Variants in CTNNA3 observed in about 807,000 individuals in gnomAD.
CTNNA3 encodes the protein catenin alpha 3, also known as catenin alpha-3.
CTNNA3 carries 76 observed loss-of-function variants against 95.7 expected under a neutral mutation model. The observed-to-expected ratio is 0.79, with a 90% CI of 0.66 to 0.96. The LOEUF is 0.96. Ranked by LOEUF, CTNNA3 falls within the 40% of genes least tolerant of loss-of-function variation. The pLI is 0.00. For synonymous variants in CTNNA3, 431 were observed against 374.4 expected (o/e 1.15, Z -1.74); for missense variants, 1,191 against 1,089.8 (o/e 1.09, Z -1.31).
chr10:66,636,014 G>A (rs1180160658), intron 9 of CTNNA3, among the ~76,000 whole-genome samples: 5 of 151,170 alleles, frequency 3.3e-5, no homozygotes. Context: ...GTGTGTGTGT[G>A]TGTGTGTGTG....
intron 7 of CTNNA3, among the ~76,000 whole-genome samples, chr10:67,106,118 C>T (rs1858620105): frequency 6.6e-6 from 1 of 152,098 alleles, no homozygotes. Context: ...GCGGCTTTTC[C>T]CTTGCCTTTG....
At position 65,939,819 on chromosome 10, in the gene CTNNA3, TA is replaced by T. The variant is rs2077401413; in HGVS notation, c.2401-19203del. On this transcript the variant is annotated intron_variant, in intron 17 of 17. Coordinates refer to ENST00000433211, the MANE Select transcript of CTNNA3 (RefSeq NM_013266.4). ...TATAATGATAGGTTACTTTTGGCAT[TA>T]GCAAGATTATTTATAATAAAATGCA... 2.0e-5 allele frequency among the ~76,000 whole-genome samples: 3 copies of T among 152,298 alleles called. No homozygotes were observed. The South Asian group carries it at 6.2e-4, about 32-fold the overall frequency.
chr10:66,027,055 A>G (rs979588858), intron 15 of CTNNA3, among the ~76,000 whole-genome samples: 1 of 152,150 alleles, frequency 6.6e-6, no homozygotes, highest in African/African-American at 2.4e-5. Context: ...TTAAAAAATC[A>G]TCTTATTAAT....
At chr10:66,130,853 TC>T (rs2083059161) in intron 13 of CTNNA3, among the ~76,000 whole-genome samples, 1 of 137,052 alleles carries the variant, frequency 7.3e-6, no homozygotes. Flanking sequence ...AGACTCCGTC[TC>T]AAAAACAAAC....
chr10:65,938,945 C>A lies in CTNNA3; in HGVS notation c.2401-18328G>T, dbSNP rs2077385070. The stretch of plus-strand genomic sequence containing the variant: ...TTAGACGGAGTCTCGCTCTGTCGCC[C>A]AGGCTGGAATGCAGTGGCGCGATCT... On this transcript the variant is annotated intron_variant, in intron 17 of 17. Coordinates refer to ENST00000433211, the MANE Select transcript of CTNNA3 (RefSeq NM_013266.4). Among the ~76,000 whole-genome samples, 6 of 152,058 alleles carry A rather than the reference C, an allele frequency of 3.9e-5. No individual in the cohort carries two copies. In the South Asian group the frequency reaches 1.0e-3, roughly 26 times the overall value.
At chr10:67,726,465 G>GAT (rs1283750562) in intron 1 of CTNNA3, among the ~76,000 whole-genome samples, 2 of 13,544 alleles carry the variant, frequency 1.5e-4, no homozygotes, top group East Asian at 7.7e-3. Context: ...TATGATATAT[G>GAT]ATATAATATT....
chr10:66,730,926 T>C (rs1045416657), intron 9 of CTNNA3, among the ~76,000 whole-genome samples: 17 of 152,354 alleles, frequency 1.1e-4, no homozygotes, highest in African/African-American at 4.1e-4. Flanking sequence ...TATCTAATCA[T>C]AGAGATAACA....
At chr10:66,288,323 A>G (rs964899623) in intron 12 of CTNNA3, among the ~76,000 whole-genome samples, 3 of 151,826 alleles carry the variant, frequency 2.0e-5, no homozygotes, top group Non-Finnish European at 2.9e-5. Flanking sequence ...GTTTTTGTAC[A>G]TTTTTGACTT....
intron 14 of CTNNA3, among the ~76,000 whole-genome samples, chr10:66,087,746 A>C (rs1242544419): frequency 1.3e-5 from 2 of 152,122 alleles, no homozygotes; most frequent in Non-Finnish European, 2.9e-5. Flanking sequence ...AAAAATTGTC[A>C]CTAAAATCTA....
rs185782822 is a variant in CTNNA3, at chr10:67,339,025, C to T, written c.580-119155G>A. Among the ~76,000 whole-genome samples the T allele has an allele frequency of 4.5e-3, 691 of 152,202 alleles. 2 individuals are homozygous for T. Among genetic ancestry groups the T allele is most frequent in the South Asian group, 0.013 (64 of 4,824 alleles). ...TGCCTCAATAAATTATGAAAGTTGACCAATATTTCTCTTCTAGCTCATAAG... is the reference window on the plus strand; with the variant it reads ...TGCCTCAATAAATTATGAAAGTTGATCAATATTTCTCTTCTAGCTCATAAG... On this transcript the variant is annotated intron_variant, in intron 5 of 17. Transcript: ENST00000433211.
At chr10:67,330,009 A>G (rs1904623) in intron 5 of CTNNA3, among the ~76,000 whole-genome samples, 7,687 of 152,324 alleles carry the variant, frequency 0.05, 270 homozygotes, top group Non-Finnish European at 0.071. Context: ...GCAGCAGGAT[A>G]GAGCCAAAGT....
At chr10:66,890,390 A>C (rs1297391493) in intron 7 of CTNNA3, among the ~76,000 whole-genome samples, 1 of 151,970 alleles carries the variant, frequency 6.6e-6, no homozygotes, top group Non-Finnish European at 1.5e-5. Context: ...AAAAAAAAAT[A>C]GTAGCAAAGA....
At chr10:67,597,045 C>G (rs1842953513) in intron 3 of CTNNA3, among the ~76,000 whole-genome samples, 1 of 152,188 alleles carries the variant, frequency 6.6e-6, no homozygotes, top group African/African-American at 2.4e-5. Flanking sequence ...TCAGCTTGAT[C>G]TATTCTGCTT....
chr10:66,805,747 T>C (rs976691395), intron 7 of CTNNA3, among the ~76,000 whole-genome samples: 1 of 152,034 alleles, frequency 6.6e-6, no homozygotes, highest in Non-Finnish European at 1.5e-5. Context: ...TTCCTTTAAA[T>C]AGTCATCATC....
intron 2 of CTNNA3, among the ~76,000 whole-genome samples, chr10:67,630,882 A>G (rs940528193): frequency 6.6e-6 from 1 of 152,224 alleles, no homozygotes; most frequent in Non-Finnish European, 1.5e-5. Context: ...GAGTAAGTCA[A>G]TTCTTTTAAC....
intron 5 of CTNNA3, among the ~76,000 whole-genome samples, chr10:67,333,466 T>C (rs1285881929): frequency 6.6e-6 from 1 of 152,216 alleles, no homozygotes; most frequent in Admixed American, 6.5e-5. Flanking sequence ...ACAGCTCATA[T>C]ATTCTGTGGG....
chr10:65,937,638 C>T (rs1472542985), intron 17 of CTNNA3, among the ~76,000 whole-genome samples: 1 of 151,982 alleles, frequency 6.6e-6, no homozygotes, highest in Non-Finnish European at 1.5e-5. Context: ...TGTATTTTGC[C>T]CATACACTGT....
At chr10:66,482,322 T>C (rs1335246115) in intron 11 of CTNNA3, among the ~76,000 whole-genome samples, 3 of 152,172 alleles carry the variant, frequency 2.0e-5, no homozygotes, top group Non-Finnish European at 4.4e-5. Flanking sequence ...AAATTGAGTA[T>C]GACTATCTTT....
intron 11 of CTNNA3, among the ~76,000 whole-genome samples, chr10:66,403,525 T>C (rs2093035516): frequency 6.6e-6 from 1 of 152,098 alleles, no homozygotes; most frequent in Non-Finnish European, 1.5e-5. Context: ...ACTGACTCAC[T>C]ATCATGAGAG....
Sources: allele counts gnomAD v4.1 joint callset (sites outside exome capture counted in the v4.1 genomes callset), GRCh38; gene constraint gnomAD v4.1.1; transcripts MANE v1.5; gene names NCBI Gene and HGNC (gene_info 2026-07-23, HGNC 2026-07-21).